The following IMPA2 variants were observed in gnomAD, a reference collection of about 807,000 sequenced individuals.
The protein encoded by IMPA2 is IMP 2.
In IMPA2, 32 loss-of-function variants were observed where a neutral mutation model predicts 35.1. That is an observed-to-expected ratio of 0.91 (90% CI 0.69 to 1.23). The LOEUF is 1.23. IMPA2 is among the 50% of genes most tolerant of loss of function. The probability of loss-of-function intolerance (pLI) is 0.00; values close to 1 mark genes in which losing one functional copy is unlikely to be tolerated. For synonymous variants in IMPA2, 135 were observed against 160.6 expected, an observed-to-expected ratio of 0.84 and a Z score of 1.20; for missense variants, 334 against 387.6, an observed-to-expected ratio of 0.86 and a Z score of 1.16.
intron 1 of IMPA2, among the ~76,000 whole-genome samples, chr18:11,986,283 T>C (rs28499558): frequency 0.11 from 16,043 of 152,122 alleles, 1,025 homozygotes; most frequent in East Asian, 0.28. Context: ...ACACATGTTG[T>C]ATTTTCTTGC....
intron 5 of IMPA2, among the ~76,000 whole-genome samples, chr18:12,020,661 TA>T (rs1464568806): frequency 2.7e-5 from 4 of 149,642 alleles, no homozygotes; most frequent in African/African-American, 7.6e-5. Context: ...TTATCTTATT[TA>T]AAAAAGTTTC....
At chr18:12,026,546 C>T (rs1476498943) in intron 5 of IMPA2, among the ~76,000 whole-genome samples, 2 of 152,202 alleles carry the variant, frequency 1.3e-5, no homozygotes, top group African/African-American at 2.4e-5. Context: ...GGAAAGCACT[C>T]ATTCATTCAG....
At chr18:12,004,734 A>G (rs1340672537) in intron 2 of IMPA2, among the ~76,000 whole-genome samples, 1 of 152,110 alleles carries the variant, frequency 6.6e-6, no homozygotes, top group African/African-American at 2.4e-5. Flanking sequence ...CATGTTGGCC[A>G]GTCTGGTCTT....
At chr18:12,011,897 T>C (rs1296911979) in intron 3 of IMPA2, among the ~76,000 whole-genome samples, 2 of 152,254 alleles carry the variant, frequency 1.3e-5, no homozygotes, top group Non-Finnish European at 2.9e-5. Context: ...AGATCCTTCC[T>C]AATTGGGCTT....
intron 1 of IMPA2, chr18:11,994,203 A>G (rs1324078148): frequency 1.3e-5 from 2 of 151,996 alleles, no homozygotes; most frequent in Admixed American, 1.3e-4. Flanking sequence ...GTGAGACCTC[A>G]GCTCTACAAA....
intron 4 of IMPA2, among the ~76,000 whole-genome samples, chr18:12,013,665 T>G (rs1907494976): frequency 6.6e-6 from 1 of 152,244 alleles, no homozygotes; most frequent in African/African-American, 2.4e-5. Flanking sequence ...TTTTCCACGC[T>G]GACCTCTTCC....
intron 4 of IMPA2, among the ~76,000 whole-genome samples, chr18:12,012,711 C>T (rs191454673): frequency 3.5e-4 from 54 of 152,282 alleles, no homozygotes; most frequent in African/African-American, 1.2e-3. Flanking sequence ...GCATGGAAGG[C>T]GTGGGGCTGA....
At chr18:12,007,582 C>T (rs1022230401) in intron 2 of IMPA2, among the ~76,000 whole-genome samples, 1 of 112,336 alleles carries the variant, frequency 8.9e-6, no homozygotes, top group African/African-American at 3.8e-5. Flanking sequence ...TCTTTTCTTT[C>T]TTTTCTTTTC....
In IMPA2 at chr18:12,030,525, C is replaced by T. The variant is rs575102364; in HGVS notation, c.*67C>T. ...GCTGTGGGCTCCTGGGGAGGTGGCC[C>T]TCGTGGCCCACGCTCCATGCCAGTG... On this transcript the variant is annotated 3_prime_UTR_variant, in exon 8 of 8. Coordinates refer to ENST00000269159, the MANE Select transcript of IMPA2 (RefSeq NM_014214.3). 8 of 1,300,716 alleles carry T rather than the reference C, an allele frequency of 6.2e-6. No individual in the cohort carries two copies. Among genetic ancestry groups the T allele is most frequent in the African/African-American group, 2.9e-5 (2 of 68,894 alleles). 80.6% of individuals were successfully genotyped at this position (1,300,716 alleles called of 1,614,324 possible).
At chr18:12,022,163 T>G (rs905259060) in intron 5 of IMPA2, among the ~76,000 whole-genome samples, 2 of 152,168 alleles carry the variant, frequency 1.3e-5, no homozygotes, top group South Asian at 4.1e-4. Context: ...TTCCTACAAA[T>G]AAGAACTCCA....
chr18:11,988,756 C>T (rs1031357713), intron 1 of IMPA2, among the ~76,000 whole-genome samples: 1 of 152,200 alleles, frequency 6.6e-6, no homozygotes, highest in African/African-American at 2.4e-5. Flanking sequence ...GATGGCAAAA[C>T]TGCAGGAGGA....
intron 1 of IMPA2, among the ~76,000 whole-genome samples, chr18:11,998,071 G>A (rs1907009835): frequency 6.6e-6 from 1 of 152,216 alleles, no homozygotes; most frequent in South Asian, 2.1e-4. Flanking sequence ...GGAGGCTGAG[G>A]TGGGAGGATC....
intron 2 of IMPA2, among the ~76,000 whole-genome samples, chr18:12,005,618 C>T (rs1158237200): frequency 5.3e-5 from 8 of 152,218 alleles, no homozygotes; most frequent in Admixed American, 5.2e-4. Context: ...TTAATAGTTG[C>T]TGCTGGGAAA....
At chr18:11,998,817 G>A (rs1678304416) in intron 1 of IMPA2, among the ~76,000 whole-genome samples, 1 of 151,270 alleles carries the variant, frequency 6.6e-6, no homozygotes, top group Non-Finnish European at 1.5e-5. Context: ...GAATAATGGT[G>A]GAGTCATTAA....
chr18:12,016,392 A>T (rs1009733028), intron 5 of IMPA2, among the ~76,000 whole-genome samples: 2 of 150,122 alleles, frequency 1.3e-5, no homozygotes, highest in Admixed American at 1.3e-4. Flanking sequence ...TCTTGGCACC[A>T]TGCAGACCCA....
At chr18:12,011,128 C>T (rs576848099) in intron 3 of IMPA2, among the ~76,000 whole-genome samples, 2 of 152,288 alleles carry the variant, frequency 1.3e-5, no homozygotes, top group East Asian at 1.9e-4. Flanking sequence ...CACGTCCATT[C>T]GAGGGTCTTC....
At chr18:11,993,373 C>CT (rs1316640282) in intron 1 of IMPA2, among the ~76,000 whole-genome samples, 1 of 152,198 alleles carries the variant, frequency 6.6e-6, no homozygotes, top group African/African-American at 2.4e-5. Context: ...AGGCTTCTGA[C>CT]TTTTTTTAGG....
intron 5 of IMPA2, among the ~76,000 whole-genome samples, chr18:12,025,224 C>A (rs965004179): frequency 2.0e-5 from 3 of 152,210 alleles, no homozygotes; most frequent in Non-Finnish European, 2.9e-5. Flanking sequence ...CCTTTAAGTG[C>A]TGGATAATAT....
At chr18:11,999,486 T>C (rs1023157517) in intron 2 of IMPA2, among the ~76,000 whole-genome samples, 3 of 152,220 alleles carry the variant, frequency 2.0e-5, no homozygotes, top group African/African-American at 7.2e-5. Context: ...TACTCAACCA[T>C]TTGTTATTTC....
Sources: gnomAD v4.1 joint callset for allele counts (sites outside exome capture counted in the v4.1 genomes callset) on GRCh38, gnomAD v4.1.1 for gene constraint, MANE v1.5 for transcripts, NCBI Gene and HGNC (gene_info 2026-07-23, HGNC 2026-07-21) for gene names.